Variants in IMMP2L observed in about 807,000 individuals in gnomAD.
IMMP2L encodes inner mitochondrial membrane peptidase subunit 2.
IMMP2L carries 18 observed loss-of-function variants against 19.3 expected under a neutral mutation model. The ratio of observed to expected loss-of-function variants is 0.93; its 90% CI spans 0.64 to 1.38. The LOEUF (loss-of-function observed/expected upper bound fraction) is 1.38. IMMP2L is among the 40% of genes most tolerant of loss of function. The pLI is 0.00. For missense variants in IMMP2L, 233 were observed against 218.2 expected (o/e 1.07, Z -0.43); for synonymous variants, 76 against 73.0 (o/e 1.04, Z -0.21).
intron 5 of IMMP2L, among the ~76,000 whole-genome samples, chr7:110,793,249 G>A (rs745814757): frequency 2.6e-5 from 4 of 151,870 alleles, no homozygotes; most frequent in South Asian, 4.2e-4. Context: ...GTGAAACTCC[G>A]TCTCTACTAA....
chr7:110,775,049 T>C (rs1799287074), intron 5 of IMMP2L, among the ~76,000 whole-genome samples: 1 of 152,022 alleles, frequency 6.6e-6, no homozygotes, highest in African/African-American at 2.4e-5. Context: ...GGAAAATACT[T>C]GTAGCAAGTG....
chr7:111,117,793 C>G (rs1409026717), intron 3 of IMMP2L, among the ~76,000 whole-genome samples: 1 of 152,008 alleles, frequency 6.6e-6, no homozygotes, highest in Non-Finnish European at 1.5e-5. Context: ...AAAGGAAAAA[C>G]TGGGTTTTAA....
intron 5 of IMMP2L, among the ~76,000 whole-genome samples, chr7:110,761,210 A>G (rs2130968068): frequency 6.6e-6 from 1 of 152,234 alleles, no homozygotes; most frequent in East Asian, 1.9e-4. Flanking sequence ...TGAGCACTCC[A>G]CTAGAAAAAC....
At position 110,727,964 on chromosome 7, in the gene IMMP2L, C is replaced by T. The variant is rs933624296; in HGVS notation, c.409-64243G>A. ...ATACCCACACACATGTAATTCTGCT[C>T]ACTTCTGTTAACATTGTAAAAGGCA... On this transcript the variant is annotated intron_variant, in intron 5 of 5. Coordinates refer to ENST00000405709, the MANE Select transcript of IMMP2L (RefSeq NM_032549.4). This position sits in a 1 kb window ranked among gnomAD's most constrained non-coding sequence, Gnocchi z 4.3. Among the ~76,000 whole-genome samples, 4 of 152,182 alleles carry T rather than the reference C, an allele frequency of 2.6e-5. No homozygotes were observed. The highest frequency in any genetic ancestry group is 7.2e-5 in the African/African-American group (3 of 41,448).
chr7:111,342,734 C>T (rs1463215944), intron 3 of IMMP2L, among the ~76,000 whole-genome samples: 4 of 151,930 alleles, frequency 2.6e-5, no homozygotes, highest in South Asian at 2.1e-4. Context: ...CATTATTCAA[C>T]GAGCATTGTC....
chr7:111,223,094 T>C (rs1021326712), intron 3 of IMMP2L, among the ~76,000 whole-genome samples: 2 of 152,046 alleles, frequency 1.3e-5, no homozygotes, highest in Admixed American at 6.6e-5. Context: ...TTTTATACAC[T>C]ATTAAAACAT....
intron 5 of IMMP2L, among the ~76,000 whole-genome samples, chr7:110,798,138 T>C (rs1365283050): frequency 1.3e-5 from 2 of 151,958 alleles, no homozygotes; most frequent in South Asian, 4.1e-4. Flanking sequence ...TATTTTCTTC[T>C]TTGTGATTCT....
At chr7:111,517,300 T>A (rs1845953122) in intron 2 of IMMP2L, among the ~76,000 whole-genome samples, 1 of 152,092 alleles carries the variant, frequency 6.6e-6, no homozygotes, top group Non-Finnish European at 1.5e-5. Flanking sequence ...TATTCTGTAA[T>A]TTCCTAATAT....
chr7:111,319,684 C>A (rs938302026), intron 3 of IMMP2L, among the ~76,000 whole-genome samples: 30 of 151,958 alleles, frequency 2.0e-4, no homozygotes, highest in Non-Finnish European at 3.4e-4. Context: ...GCGATAAGTT[C>A]TATTTTAGAA....
intron 4 of IMMP2L, among the ~76,000 whole-genome samples, chr7:110,945,557 A>G (rs981470195): frequency 6.6e-6 from 1 of 151,978 alleles, no homozygotes; most frequent in African/African-American, 2.4e-5. Flanking sequence ...CCGGAGTGGG[A>G]GAACAGTCTT....
At chr7:111,388,785 T>C (rs1456727143) in intron 3 of IMMP2L, among the ~76,000 whole-genome samples, 5 of 151,994 alleles carry the variant, frequency 3.3e-5, no homozygotes, top group Non-Finnish European at 7.4e-5. Context: ...CATGATTCAA[T>C]TACCTCCCCC....
intron 4 of IMMP2L, among the ~76,000 whole-genome samples, chr7:110,892,901 T>C (rs1350926132): frequency 6.6e-6 from 1 of 152,162 alleles, no homozygotes; most frequent in East Asian, 1.9e-4. Context: ...CGTTTCTTCA[T>C]GTCTCTCTGT....
intron 3 of IMMP2L, among the ~76,000 whole-genome samples, chr7:111,311,579 A>G (rs1823521867): frequency 6.6e-6 from 1 of 152,076 alleles, no homozygotes; most frequent in African/African-American, 2.4e-5. Context: ...TTGTAGCAAT[A>G]CTCATGCTTT....
At chr7:110,891,696 G>T (rs1585160563) in intron 4 of IMMP2L, among the ~76,000 whole-genome samples, 1 of 152,084 alleles carries the variant, frequency 6.6e-6, no homozygotes, top group East Asian at 1.9e-4. Context: ...TTTAAAGATA[G>T]ACACTTGAAA....
At chr7:110,706,181 C>T (rs2130680631) in intron 5 of IMMP2L, among the ~76,000 whole-genome samples, 1 of 152,262 alleles carries the variant, frequency 6.6e-6, no homozygotes, top group Middle Eastern at 3.4e-3. Context: ...TGGCTCACTG[C>T]AGCTTTGAAC....
intron 3 of IMMP2L, chr7:111,125,328 T>C (rs1286629657): frequency 5.9e-6 from 1 of 170,302 alleles, no homozygotes; most frequent in Non-Finnish European, 1.4e-5. Flanking sequence ...TGTAATAAAA[T>C]GGACAAATTC....
Position 110,798,803 on chromosome 7 carries a change from C to T in IMMP2L, c.408+87790G>A, listed in dbSNP as rs1323612530. Among the ~76,000 whole-genome samples, 3 of 151,704 alleles carry T rather than the reference C, an allele frequency of 2.0e-5. No individual in the cohort carries two copies. The East Asian group carries it at 5.8e-4, about 29-fold the overall frequency. On this transcript the variant is annotated intron_variant, in intron 5 of 5. Transcript: ENST00000405709. Reference sequence around the variant, plus strand: ...ATCTGATTAAAGGGAAACATCTCCACAAACAGACGTTTTTTATCTGGAAGT... The same window carrying T: ...ATCTGATTAAAGGGAAACATCTCCATAAACAGACGTTTTTTATCTGGAAGT...
Position 111,124,601 on chromosome 7 carries a change from C to T in IMMP2L, c.240-161036G>A, listed in dbSNP as rs1280053532. The T allele has an allele frequency of 3.1e-6, 5 of 1,613,920 alleles. No homozygotes were observed. The East Asian group carries it at 8.9e-5, about 29-fold the overall frequency. On this transcript the variant is annotated intron_variant, in intron 3 of 5. Transcript: ENST00000405709. ...AACAGAAAAAAATGTGTAAATGTCA[C>T]CACCAAAGGTTTGCACCCTGATCAA...
chr7:110,991,434 G>A (rs1178653815), intron 3 of IMMP2L, among the ~76,000 whole-genome samples: 1 of 152,054 alleles, frequency 6.6e-6, no homozygotes, highest in African/African-American at 2.4e-5. Context: ...ACTAACGGTG[G>A]TGTGGTCTAG....
Sources: allele counts gnomAD v4.1 joint callset (sites outside exome capture counted in the v4.1 genomes callset), GRCh38; gene constraint gnomAD v4.1.1; non-coding constraint Gnocchi (gnomAD v3.1); transcripts MANE v1.5; gene names NCBI Gene and HGNC (gene_info 2026-07-23, HGNC 2026-07-21).